THEMIS: variants seen among roughly 807,000 people sequenced by gnomAD.
The protein encoded by THEMIS is thymocyte selection associated.
THEMIS carries 37 observed loss-of-function variants against 52.6 expected under a neutral mutation model. That is an observed-to-expected ratio of 0.70 (90% confidence interval 0.54 to 0.93). The LOEUF (loss-of-function observed/expected upper bound fraction) is 0.93. THEMIS is among the 40% of genes least tolerant of loss of function. THEMIS has a pLI of 0.00. For synonymous variants in THEMIS, 292 were observed against 272.7 expected (o/e 1.07, Z -0.70); for missense variants, 808 against 763.1 (o/e 1.06, Z -0.69).
rs1214825088 is a variant in THEMIS, at chr6:127,871,843, T to G, written c.92-16655A>C. Among the ~76,000 whole-genome samples, 3 of 152,288 alleles carry G rather than the reference T, an allele frequency of 2.0e-5. No individual in the cohort carries two copies. In the East Asian group the frequency reaches 5.8e-4, roughly 29 times the overall value. ...AAAAAAGAAATCTCCAGGCCCTGAT[T>G]GTTTCACTGGAAACAATCTGCCAAA... On this transcript the variant is annotated intron_variant, in intron 1 of 5. Coordinates refer to ENST00000368248, the MANE Select transcript of THEMIS (RefSeq NM_001010923.3).
intron 1 of THEMIS, among the ~76,000 whole-genome samples, chr6:127,857,433 A>G (rs1562304136): frequency 6.6e-6 from 1 of 152,016 alleles, no homozygotes; most frequent in Non-Finnish European, 1.5e-5. Flanking sequence ...GTACTTTGTT[A>G]TGTCTAAAAT....
At chr6:127,753,792 A>G (rs968344164) in intron 4 of THEMIS, among the ~76,000 whole-genome samples, 5 of 151,998 alleles carry the variant, frequency 3.3e-5, no homozygotes, top group Non-Finnish European at 7.4e-5. Context: ...ACAAAGTTTC[A>G]TTTTGCAAGT....
At position 127,829,485 on chromosome 6, in the gene THEMIS, C is replaced by T. The variant is rs781258490; in HGVS notation, c.700G>A (p.Val234Met). Residue 234 changes from valine to methionine, a missense_variant, in exon 3 of 6, where the codon GTG becomes ATG. Coordinates refer to ENST00000368248, the MANE Select transcript of THEMIS (RefSeq NM_001010923.3). Reference protein sequence around the residue: ...ILKPVYEIQGVMKFRKDIIRI... With the variant: ...ILKPVYEIQGMMKFRKDIIRI... ...CTCAGTGGATACTCACATTTCATCACACCTTGAATTTCATAAACAGGCTTG... is the reference window on the plus strand; with the variant it reads ...CTCAGTGGATACTCACATTTCATCATACCTTGAATTTCATAAACAGGCTTG... 1 of 1,600,772 alleles carries T rather than the reference C, an allele frequency of 6.2e-7. No individual in the cohort carries two copies. The highest frequency in any genetic ancestry group is 1.7e-5 in the Admixed American group (1 of 58,472).
chr6:127,850,733 G>A (rs572665074), intron 2 of THEMIS, among the ~76,000 whole-genome samples: 5 of 151,776 alleles, frequency 3.3e-5, no homozygotes, highest in South Asian at 2.1e-4. Context: ...GGGACTTAGC[G>A]GGGAAGGTTG....
intron 4 of THEMIS, among the ~76,000 whole-genome samples, chr6:127,763,977 T>C (rs1240327737): frequency 2.0e-5 from 3 of 151,932 alleles, no homozygotes; most frequent in Admixed American, 1.3e-4. Flanking sequence ...AGAGAGGGCA[T>C]ATAACTTATA....
chr6:127,909,142 C>T (rs113893713), intron 1 of THEMIS, among the ~76,000 whole-genome samples: 1,963 of 152,016 alleles, frequency 0.013, 47 homozygotes, highest in African/African-American at 0.044. Context: ...ATTTATTTAA[C>T]CCAAGTTAGT....
intron 2 of THEMIS, among the ~76,000 whole-genome samples, chr6:127,842,916 C>T (rs1779097717): frequency 6.6e-6 from 1 of 151,874 alleles, no homozygotes; most frequent in South Asian, 2.1e-4. Context: ...AACTCGGGCT[C>T]ACTGTCTCCT....
chr6:127,912,222 T>C (rs2114533427), intron 1 of THEMIS, among the ~76,000 whole-genome samples: 1 of 152,296 alleles, frequency 6.6e-6, no homozygotes, highest in East Asian at 1.9e-4. Flanking sequence ...AACCCCTTTG[T>C]TTTGGCCAAT....
intron 1 of THEMIS, among the ~76,000 whole-genome samples, chr6:127,906,763 T>C (rs1460630583): frequency 6.6e-6 from 1 of 151,982 alleles, no homozygotes; most frequent in Non-Finnish European, 1.5e-5. Flanking sequence ...GACTTGGCTA[T>C]GAAATGATGA....
At chr6:127,761,753 G>C (rs192407350) in intron 4 of THEMIS, among the ~76,000 whole-genome samples, 2 of 151,646 alleles carry the variant, frequency 1.3e-5, no homozygotes, top group Non-Finnish European at 2.9e-5. Flanking sequence ...TCTCTTTGCT[G>C]CTATGTCTAG....
At chr6:127,820,422 A>G (rs1194413717) in intron 3 of THEMIS, among the ~76,000 whole-genome samples, 1 of 152,106 alleles carries the variant, frequency 6.6e-6, no homozygotes, top group Non-Finnish European at 1.5e-5. Context: ...CAGTAATTAA[A>G]AAGAAATCCA....
intron 1 of THEMIS, among the ~76,000 whole-genome samples, chr6:127,868,855 C>T (rs1028163020): frequency 2.0e-5 from 3 of 152,064 alleles, no homozygotes; most frequent in Admixed American, 2.0e-4. Flanking sequence ...TATGTGTTGA[C>T]TTTTAAAAAT....
At chr6:127,872,201 T>G (rs1403463159) in intron 1 of THEMIS, among the ~76,000 whole-genome samples, 1 of 152,162 alleles carries the variant, frequency 6.6e-6, no homozygotes, top group African/African-American at 2.4e-5. Context: ...AAAAAAGGTA[T>G]GGCAGCAGGT....
chr6:127,822,827 A>G (rs1778385923), intron 3 of THEMIS, among the ~76,000 whole-genome samples: 1 of 152,070 alleles, frequency 6.6e-6, no homozygotes, highest in Admixed American at 6.5e-5. Flanking sequence ...TGGTCTTAAG[A>G]GCAAAAACTG....
At position 127,813,663 on chromosome 6, in the gene THEMIS, A is replaced by C; in HGVS notation, c.978T>G (p.Asn326Lys). ...GGATCAAGAAGTGTCTTTTAGGAAA[A>C]TTGCTTCTAATTTCTGAAGCTAAGA... The part of the protein sequence containing the change: ...SRILASEIRS[N>K]FPKRHFLIPT... The change falls in exon 4 of 6, where the codon AAT (asparagine) becomes AAG (lysine). Residue 326 changes from asparagine to lysine, a missense_variant. Transcript: ENST00000368248. 1 of 1,614,078 alleles carries C rather than the reference A, an allele frequency of 6.2e-7. No individual in the cohort carries two copies. The highest frequency in any genetic ancestry group is 8.5e-7 in the Non-Finnish European group (1 of 1,179,990).
intron 1 of THEMIS, among the ~76,000 whole-genome samples, chr6:127,873,503 A>G (rs1476295679): frequency 6.6e-6 from 1 of 152,240 alleles, no homozygotes; most frequent in Non-Finnish European, 1.5e-5. Context: ...AAATAAGCCC[A>G]TCTGATTTTT....
downstream of THEMIS, among the ~76,000 whole-genome samples, chr6:127,707,060 G>C (rs1188759084): frequency 1.3e-5 from 2 of 152,090 alleles, no homozygotes; most frequent in Admixed American, 1.3e-4. Flanking sequence ...TCACATGGTG[G>C]CAGCAAGAAG....
chr6:127,906,886 T>C (rs78282230), intron 1 of THEMIS, among the ~76,000 whole-genome samples: 4,925 of 151,844 alleles, frequency 0.032, 298 homozygotes, highest in African/African-American at 0.11. Context: ...AAAATACCAA[T>C]TCGTTTGTTA....
chr6:127,911,698 G>A (rs1444392206), intron 1 of THEMIS, among the ~76,000 whole-genome samples: 1 of 151,408 alleles, frequency 6.6e-6, no homozygotes, highest in African/African-American at 2.5e-5. Flanking sequence ...TCCAGTTGTG[G>A]GGTTTGGGAA....
Sources: gnomAD v4.1 joint callset for allele counts (sites outside exome capture counted in the v4.1 genomes callset) on GRCh38, gnomAD v4.1.1 for gene constraint, MANE v1.5 for transcripts, NCBI Gene and HGNC (gene_info 2026-07-23, HGNC 2026-07-21) for gene names.